The following RB1CC1 variants were observed in gnomAD, a reference collection of about 807,000 sequenced individuals.
The protein encoded by RB1CC1 is RB1 inducible coiled-coil 1, also known as RB1-inducible coiled-coil protein 1.
Under a neutral mutation model 177.5 loss-of-function variants are expected in RB1CC1, and 46 were observed. That is an observed-to-expected ratio of 0.26 (90% CI 0.20 to 0.33). The LOEUF (loss-of-function observed/expected upper bound fraction) is 0.33, where lower values mean the gene tolerates loss of function less well. RB1CC1 is among the 10% of genes least tolerant of loss of function. The probability of loss-of-function intolerance (pLI) is 1.00; values close to 1 mark genes in which losing one functional copy is unlikely to be tolerated. For missense variants in RB1CC1, 1,703 were observed against 1,816.3 expected (o/e 0.94, Z 1.13); for synonymous variants, 666 against 613.6 (o/e 1.09, Z -1.26).
intron 1 of RB1CC1, among the ~76,000 whole-genome samples, chr8:52,704,658 A>C (rs111967917): frequency 1.7e-4 from 26 of 152,184 alleles, no homozygotes; most frequent in East Asian, 7.7e-4. Context: ...ATGTACATGT[A>C]CCCCTAATTT....
chr8:52,660,919 C>A lies in RB1CC1; in HGVS notation c.1627+7G>T. On this transcript the variant is annotated splice_region_variant and intron_variant, in intron 11 of 23. Transcript: ENST00000025008. ...AAAAGTAATTAAAATTATTAATGAA[C>A]ACTTACTAAATAATTTCCCAAAGGA... 2 of 1,593,750 alleles carry A rather than the reference C, an allele frequency of 1.3e-6. No individual in the cohort carries two copies. The highest frequency in any genetic ancestry group is 1.4e-5 in the African/African-American group (1 of 74,060).
At chr8:52,695,605 C>A (rs1181256223) in intron 1 of RB1CC1, among the ~76,000 whole-genome samples, 1 of 152,144 alleles carries the variant, frequency 6.6e-6, no homozygotes, top group Non-Finnish European at 1.5e-5. Context: ...CAGGATCAAG[C>A]CATAATAAAA....
chr8:52,678,594 C>A (rs572094764), intron 5 of RB1CC1, among the ~76,000 whole-genome samples: 14 of 152,018 alleles, frequency 9.2e-5, no homozygotes, highest in African/African-American at 3.4e-4. Flanking sequence ...GGGGATGCAA[C>A]GAAAGAGGAA....
chr8:52,707,432 CTTTT>C lies in RB1CC1; in HGVS notation c.-167+6639_-167+6642del, dbSNP rs386412758. Among the ~76,000 whole-genome samples the C allele has an allele frequency of 1.3e-3, 170 of 128,842 alleles. 1 individual carries two copies. Among genetic ancestry groups the C allele is most frequent in the African/African-American group, 4.4e-3 (153 of 34,414 alleles). The allele number at this position is 128,842 out of a possible 152,430, so 84.5% of individuals were successfully genotyped here. ...ATTTTTCTTTTCTTTTTCTTTCTTTCTTTTTTTTTTTTTTTTTTTACAAACTTTC... is the reference window on the plus strand; with the variant it reads ...ATTTTTCTTTTCTTTTTCTTTCTTTCTTTTTTTTTTTTTTTACAAACTTTC... On this transcript the variant is annotated intron_variant, in intron 1 of 23. Transcript: ENST00000025008.
At chr8:52,686,439 G>T (rs944621437) in intron 2 of RB1CC1, among the ~76,000 whole-genome samples, 1 of 152,150 alleles carries the variant, frequency 6.6e-6, no homozygotes, top group Non-Finnish European at 1.5e-5. Context: ...CTAGCAACTT[G>T]GGAGGCTGAG....
At chr8:52,677,472 G>A (rs1201040509) in intron 5 of RB1CC1, among the ~76,000 whole-genome samples, 1 of 152,148 alleles carries the variant, frequency 6.6e-6, no homozygotes, top group African/African-American at 2.4e-5. Flanking sequence ...ACTAAGGTAA[G>A]GAAGGAGGAA....
intron 15 of RB1CC1, among the ~76,000 whole-genome samples, chr8:52,651,292 T>C (rs1850552925): frequency 6.6e-6 from 1 of 152,184 alleles, no homozygotes; most frequent in Non-Finnish European, 1.5e-5. Context: ...CAAAATGAGA[T>C]ACTCTAGATC....
intron 19 of RB1CC1, among the ~76,000 whole-genome samples, chr8:52,635,643 T>C (rs1041165173): frequency 4.9e-4 from 74 of 152,304 alleles, no homozygotes; most frequent in African/African-American, 1.7e-3. Context: ...TTCTAAAAAG[T>C]ATTTAATACT....
rs767640337 is a variant in RB1CC1 at position 52,682,330 on chromosome 8, G to C, written c.369+1219C>G. 2.6e-5 allele frequency among the ~76,000 whole-genome samples: 4 copies of C among 152,222 alleles called. No individual in the cohort carries two copies. The East Asian group carries it at 7.7e-4, about 29-fold the overall frequency. Reference sequence around the variant, plus strand: ...ATAATTCCGAGGCCTCTTCAGCCACGAGGAACTGTTAAGTCCAATTAAACC... The same window carrying C: ...ATAATTCCGAGGCCTCTTCAGCCACCAGGAACTGTTAAGTCCAATTAAACC... On this transcript the variant is annotated intron_variant, in intron 5 of 23. Transcript: ENST00000025008.
intron 1 of RB1CC1, among the ~76,000 whole-genome samples, chr8:52,689,270 G>C (rs112419545): frequency 1.7e-4 from 26 of 152,110 alleles, no homozygotes; most frequent in East Asian, 7.7e-4. Context: ...TCCTAGATTT[G>C]TCTTCCTCCT....
chr8:52,680,476 C>G (rs998502151), intron 5 of RB1CC1, among the ~76,000 whole-genome samples: 2 of 152,132 alleles, frequency 1.3e-5, no homozygotes, highest in Admixed American at 6.5e-5. Context: ...AAGATGAAAT[C>G]TGAAAGAACT....
chr8:52,682,978 T>C (rs1853903741), intron 5 of RB1CC1, among the ~76,000 whole-genome samples: 1 of 152,186 alleles, frequency 6.6e-6, no homozygotes, highest in South Asian at 2.1e-4. Flanking sequence ...TAAATACTAT[T>C]ATTTCATTGG....
intron 1 of RB1CC1, among the ~76,000 whole-genome samples, chr8:52,699,535 A>T (rs762671055): frequency 7.6e-4 from 115 of 151,580 alleles, no homozygotes; most frequent in Non-Finnish European, 2.7e-4. Context: ...ACAGCCGGGC[A>T]TGGTGGCTCA....
At chr8:52,669,589 C>A (rs1399757238) in intron 7 of RB1CC1, among the ~76,000 whole-genome samples, 1 of 152,188 alleles carries the variant, frequency 6.6e-6, no homozygotes, top group East Asian at 1.9e-4. Flanking sequence ...ACCATTATTT[C>A]AGAATAGGCA....
chr8:52,664,639 T>A (rs752436389), intron 8 of RB1CC1, among the ~76,000 whole-genome samples: 1 of 152,138 alleles, frequency 6.6e-6, no homozygotes, highest in East Asian at 1.9e-4. Context: ...AGGAACAGCA[T>A]AAGAAATTTT....
At chr8:52,677,343 CAA>C (rs1381347849) in intron 5 of RB1CC1, among the ~76,000 whole-genome samples, 7 of 152,018 alleles carry the variant, frequency 4.6e-5, no homozygotes, top group Non-Finnish European at 1.0e-4. Context: ...AGAAGTACTT[CAA>C]AAGAGTGGAA....
intron 15 of RB1CC1, among the ~76,000 whole-genome samples, chr8:52,652,181 T>C (rs906388447): frequency 2.6e-5 from 4 of 152,128 alleles, no homozygotes; most frequent in Non-Finnish European, 4.4e-5. Context: ...AAAAATCTTA[T>C]GTATGGCCAA....
chr8:52,711,810 T>C (rs1370175762), intron 1 of RB1CC1, among the ~76,000 whole-genome samples: 1 of 152,230 alleles, frequency 6.6e-6, no homozygotes, highest in African/African-American at 2.4e-5. Flanking sequence ...CCAGCTTCAG[T>C]AACTTCATTT....
intron 8 of RB1CC1, among the ~76,000 whole-genome samples, chr8:52,663,428 C>T (rs1167299641): frequency 6.6e-6 from 1 of 151,902 alleles, no homozygotes; most frequent in African/African-American, 2.4e-5. Context: ...AAGAAATTAC[C>T]CCTTCAAAGG....
Sources: allele counts gnomAD v4.1 joint callset (sites outside exome capture counted in the v4.1 genomes callset), GRCh38; gene constraint gnomAD v4.1.1; transcripts MANE v1.5; gene names NCBI Gene and HGNC (gene_info 2026-07-23, HGNC 2026-07-21).